CDH12: variants seen among roughly 807,000 people sequenced by gnomAD.
CDH12 encodes cadherin-12.
CDH12 carries 41 observed loss-of-function variants against 74.1 expected under a neutral mutation model. That is an observed-to-expected ratio of 0.55 (90% CI 0.43 to 0.72). The LOEUF is 0.72. Ranked by LOEUF, CDH12 falls within the 30% of genes least tolerant of loss-of-function variation. The pLI, the probability that CDH12 is intolerant of heterozygous loss-of-function variation, is 0.00. For missense variants in CDH12, 945 were observed against 977.2 expected, an observed-to-expected ratio of 0.97 and a Z score of 0.44; for synonymous variants, 399 against 355.0, an observed-to-expected ratio of 1.12 and a Z score of -1.39.
At chr5:22,158,354 T>A (rs1290838995) in intron 4 of CDH12, among the ~76,000 whole-genome samples, 1 of 152,056 alleles carries the variant, frequency 6.6e-6, no homozygotes, top group Non-Finnish European at 1.5e-5. Context: ...TTTTTGCATA[T>A]GATAAAATAG....
At chr5:21,821,788 T>C (rs914523539) in intron 8 of CDH12, among the ~76,000 whole-genome samples, 2 of 151,974 alleles carry the variant, frequency 1.3e-5, no homozygotes, top group African/African-American at 4.8e-5. Flanking sequence ...CACTGAACTA[T>C]TGATTCAGTA....
intron 1 of CDH12, among the ~76,000 whole-genome samples, chr5:22,691,372 G>T (rs1186773443): frequency 6.6e-6 from 1 of 152,164 alleles, no homozygotes; most frequent in African/African-American, 2.4e-5. Flanking sequence ...GATCCAGTGA[G>T]AAGTTGCTCC....
intron 3 of CDH12, among the ~76,000 whole-genome samples, chr5:22,254,009 A>G (rs1461941021): frequency 6.7e-6 from 1 of 149,552 alleles, no homozygotes; most frequent in East Asian, 1.9e-4. Context: ...GGTAATGGAG[A>G]TAATTGTCTT....
chr5:21,831,482 C>G (rs1167565247), intron 8 of CDH12, among the ~76,000 whole-genome samples: 1 of 152,120 alleles, frequency 6.6e-6, no homozygotes, highest in African/African-American at 2.4e-5. Flanking sequence ...CTATAATGAT[C>G]GCCCTATTCT....
At chr5:22,029,911 C>T (rs1738691003) in intron 5 of CDH12, among the ~76,000 whole-genome samples, 1 of 151,772 alleles carries the variant, frequency 6.6e-6, no homozygotes, top group Non-Finnish European at 1.5e-5. Context: ...GGCACATATA[C>T]ACCATGGAAT....
chr5:22,524,423 AT>A (rs1424397294), intron 1 of CDH12, among the ~76,000 whole-genome samples: 5 of 152,164 alleles, frequency 3.3e-5, no homozygotes, highest in African/African-American at 1.2e-4. Context: ...CAGTTTGTGC[AT>A]CTCTTATGGC....
intron 2 of CDH12, among the ~76,000 whole-genome samples, chr5:22,497,464 C>T (rs1747144551): frequency 6.6e-6 from 1 of 151,930 alleles, no homozygotes; most frequent in Admixed American, 6.6e-5. Context: ...ATCTCTGTTC[C>T]CACCTAGTAT....
At chr5:22,095,411 T>G (rs1315105174) in intron 4 of CDH12, among the ~76,000 whole-genome samples, 1 of 152,088 alleles carries the variant, frequency 6.6e-6, no homozygotes, top group Non-Finnish European at 1.5e-5. Context: ...CAGCCTTCCC[T>G]TGGTGTTTAA....
At chr5:22,331,105 A>C (rs552006752) in intron 3 of CDH12, among the ~76,000 whole-genome samples, 31 of 152,326 alleles carry the variant, frequency 2.0e-4, no homozygotes, top group East Asian at 7.7e-4. Flanking sequence ...CTGGCTTTGC[A>C]TTGTGGTTTG....
intron 5 of CDH12, among the ~76,000 whole-genome samples, chr5:22,053,619 C>CCATTTTCTTA (rs1341101174): frequency 6.6e-6 from 1 of 152,014 alleles, no homozygotes. Context: ...CCCCATGCTC[C>CCATTTTCTTA]CATTTTCTTA....
At chr5:21,814,758 G>T (rs993822922) in intron 9 of CDH12, among the ~76,000 whole-genome samples, 9 of 150,292 alleles carry the variant, frequency 6.0e-5, no homozygotes, top group Non-Finnish European at 1.0e-4. Flanking sequence ...TAAATATTAT[G>T]ACTTCTTAAT....
chr5:22,176,731 G>C (rs536604158), intron 4 of CDH12, among the ~76,000 whole-genome samples: 10 of 152,148 alleles, frequency 6.6e-5, no homozygotes, highest in Admixed American at 6.6e-4. Flanking sequence ...CTTCCACAGG[G>C]GAGTGGGAGT....
At chr5:22,317,922 T>A (rs1738701797) in intron 3 of CDH12, among the ~76,000 whole-genome samples, 1 of 152,188 alleles carries the variant, frequency 6.6e-6, no homozygotes, top group African/African-American at 2.4e-5. Flanking sequence ...AAAACTACAA[T>A]TCAGTGTTTA....
chr5:22,376,683 A>ATTT (rs34256665), intron 3 of CDH12, among the ~76,000 whole-genome samples: 10,454 of 117,038 alleles, frequency 0.089, 654 homozygotes, highest in South Asian at 0.16. Flanking sequence ...TGGTTGACTA[A>ATTT]TTTTTTTTTT....
chr5:22,209,379 C>A lies in CDH12; in HGVS notation c.-187+3119G>T, dbSNP rs1751402269. Among the ~76,000 whole-genome samples, 3 of 152,308 alleles carry A rather than the reference C, an allele frequency of 2.0e-5. No individual in the cohort carries two copies. In the South Asian group the frequency reaches 6.2e-4, roughly 32 times the overall value. ...AGTCTGTTTTTTCTGAAGTCTACTT[C>A]CAACATTCAATTCCAACAGTTAGTT... On this transcript the variant is annotated intron_variant, in intron 4 of 14. Coordinates refer to ENST00000382254, the MANE Select transcript of CDH12 (RefSeq NM_004061.5).
At chr5:22,307,873 GTT>G (rs35242143) in intron 3 of CDH12, among the ~76,000 whole-genome samples, 1,566 of 68,360 alleles carry the variant, frequency 0.023, 5 homozygotes, top group African/African-American at 0.1. Context: ...CTTTCTTTTA[GTT>G]TTTTTTTTTT....
intron 3 of CDH12, among the ~76,000 whole-genome samples, chr5:22,272,403 T>G (rs1250120231): frequency 2.6e-5 from 4 of 152,232 alleles, no homozygotes; most frequent in Non-Finnish European, 5.9e-5. Context: ...TTCCTCCCTA[T>G]CAGCAGTAAA....
chr5:22,551,133 G>T (rs1414624596), intron 1 of CDH12, among the ~76,000 whole-genome samples: 1 of 152,100 alleles, frequency 6.6e-6, no homozygotes, highest in Non-Finnish European at 1.5e-5. Context: ...ATAAGGGCGG[G>T]ACCTAATCCA....
chr5:22,821,238 A>C (rs1322680043), intron 1 of CDH12, among the ~76,000 whole-genome samples: 2 of 152,184 alleles, frequency 1.3e-5, no homozygotes, highest in Non-Finnish European at 2.9e-5. Flanking sequence ...TGTATCTCAA[A>C]ATAATAAGAG....
Sources: gnomAD v4.1 joint callset for allele counts (sites outside exome capture counted in the v4.1 genomes callset) on GRCh38, gnomAD v4.1.1 for gene constraint, MANE v1.5 for transcripts, NCBI Gene and HGNC (gene_info 2026-07-23, HGNC 2026-07-21) for gene names.